Variants in DOK6 observed in about 807,000 individuals in gnomAD.
DOK6 encodes docking protein 6.
In DOK6, 22 loss-of-function variants were observed where a neutral mutation model predicts 44.0. That is an observed-to-expected ratio of 0.50 (90% CI 0.36 to 0.71). The LOEUF (loss-of-function observed/expected upper bound fraction) is 0.71, where lower values mean the gene tolerates loss of function less well. DOK6 is among the 30% of genes least tolerant of loss of function. DOK6 has a pLI of 0.00. For synonymous variants in DOK6, 166 were observed against 145.5 expected, an observed-to-expected ratio of 1.14 and a Z score of -1.01; for missense variants, 340 against 416.4, an observed-to-expected ratio of 0.82 and a Z score of 1.60.
intron 2 of DOK6, among the ~76,000 whole-genome samples, chr18:69,579,531 G>A (rs1159190099): frequency 6.6e-6 from 1 of 151,086 alleles, no homozygotes; most frequent in East Asian, 1.9e-4. Context: ...AAGCTGGTTT[G>A]TCCAACTCTC....
intron 7 of DOK6, among the ~76,000 whole-genome samples, chr18:69,769,379 A>G (rs1979820870): frequency 6.6e-6 from 1 of 152,082 alleles, no homozygotes; most frequent in Admixed American, 6.6e-5. Context: ...CTGTGGCTCT[A>G]TCATTTCCAG....
intron 7 of DOK6, among the ~76,000 whole-genome samples, chr18:69,840,874 GGCTCTCCATTAAAAACA>G (rs1419612971): frequency 6.6e-6 from 1 of 152,168 alleles, no homozygotes; most frequent in Non-Finnish European, 1.5e-5. Flanking sequence ...GCAGCTTACA[GGCTCTCCATTAAAAACA>G]GCTTTTTCTG....
At chr18:69,782,457 C>T (rs550609641) in intron 7 of DOK6, among the ~76,000 whole-genome samples, 14 of 152,010 alleles carry the variant, frequency 9.2e-5, no homozygotes, top group East Asian at 5.8e-4. Context: ...GTGATCCCCC[C>T]GCCTCGGCCT....
chr18:69,806,473 A>G (rs1382797238), intron 7 of DOK6, among the ~76,000 whole-genome samples: 1 of 152,012 alleles, frequency 6.6e-6, no homozygotes, highest in African/African-American at 2.4e-5. Flanking sequence ...TAATGAGCTT[A>G]CCCTGTATGT....
chr18:69,452,480 G>T (rs1332675954), intron 1 of DOK6, among the ~76,000 whole-genome samples: 2 of 128,440 alleles, frequency 1.6e-5, no homozygotes, highest in African/African-American at 6.2e-5. Flanking sequence ...TCTACCAGAG[G>T]TACAAGGAGG....
At position 69,548,934 on chromosome 18, in the gene DOK6, A is replaced by G. The variant is rs1051257964; in HGVS notation, c.67-15553A>G. Among the ~76,000 whole-genome samples the G allele has an allele frequency of 2.0e-5, 3 of 151,222 alleles. 1 individual carries two copies. Among genetic ancestry groups the G allele is most frequent in the Middle Eastern group, 6.4e-3 (2 of 314 alleles). The stretch of plus-strand genomic sequence containing the variant: ...TGGTGAAACCCCGTCTCTACTAAAA[A>G]TACAAAAAAAATTAGCTGGGCGAGG... On this transcript the variant is annotated intron_variant, in intron 1 of 7. Coordinates refer to ENST00000382713, the MANE Select transcript of DOK6 (RefSeq NM_152721.6).
chr18:69,677,660 C>T (rs978452392), intron 3 of DOK6, 74 bp from the exon 4 acceptor site: 2 of 1,601,484 alleles, frequency 1.2e-6, no homozygotes, highest in Non-Finnish European at 1.7e-6. Context: ...CCTGGGAAAA[C>T]AGTTAAGGAA....
intron 7 of DOK6, among the ~76,000 whole-genome samples, chr18:69,816,698 A>C (rs1401413313): frequency 6.6e-6 from 1 of 152,242 alleles, no homozygotes; most frequent in African/African-American, 2.4e-5. Context: ...AAGGCAAATT[A>C]GGGTTTAAAC....
intron 1 of DOK6, among the ~76,000 whole-genome samples, chr18:69,508,541 G>T (rs140048663): frequency 2.0e-5 from 3 of 152,264 alleles, no homozygotes; most frequent in African/African-American, 7.2e-5. Context: ...ACAGACTTCA[G>T]TGGAGATGTA....
At chr18:69,559,972 C>T (rs1358398936) in intron 1 of DOK6, among the ~76,000 whole-genome samples, 1 of 152,102 alleles carries the variant, frequency 6.6e-6, no homozygotes, top group Admixed American at 6.6e-5. Context: ...TTCCCAAAGG[C>T]CCCATCTCCA....
At chr18:69,585,887 G>T (rs1363314924) in intron 2 of DOK6, among the ~76,000 whole-genome samples, 1 of 152,154 alleles carries the variant, frequency 6.6e-6, no homozygotes, top group Non-Finnish European at 1.5e-5. Flanking sequence ...AAAAGTTGAT[G>T]TATGTCAGCA....
chr18:69,669,227 TA>T (rs1465915095), intron 3 of DOK6, among the ~76,000 whole-genome samples: 1 of 152,184 alleles, frequency 6.6e-6, no homozygotes, highest in East Asian at 1.9e-4. Flanking sequence ...ACCCGACAGG[TA>T]ATTTTTTGAT....
At chr18:69,618,854 T>C (rs1984373451) in intron 3 of DOK6, among the ~76,000 whole-genome samples, 1 of 152,192 alleles carries the variant, frequency 6.6e-6, no homozygotes. Flanking sequence ...TGAACACAAG[T>C]GGTCCAAATG....
chr18:69,518,295 TCTTC>T (rs1387329662), intron 1 of DOK6, among the ~76,000 whole-genome samples: 1 of 152,024 alleles, frequency 6.6e-6, no homozygotes, highest in East Asian at 1.9e-4. Flanking sequence ...TTCTTCCTCC[TCTTC>T]CTTCTCTTTT....
At chr18:69,425,598 T>G (rs1978615608) in intron 1 of DOK6, among the ~76,000 whole-genome samples, 1 of 152,066 alleles carries the variant, frequency 6.6e-6, no homozygotes, top group Admixed American at 6.6e-5. Context: ...TGCATCATGA[T>G]TAAAGCAATC....
intron 7 of DOK6, among the ~76,000 whole-genome samples, chr18:69,805,817 T>C (rs1790955): frequency 0.74 from 112,521 of 151,988 alleles, 42,054 homozygotes; most frequent in Admixed American, 0.78. Context: ...AAACTTCTTG[T>C]GGTACGAGTA....
intron 5 of DOK6, among the ~76,000 whole-genome samples, chr18:69,709,904 C>A (rs1221799458): frequency 2.0e-5 from 3 of 152,132 alleles, no homozygotes; most frequent in Non-Finnish European, 4.4e-5. Context: ...TGGCTAGGCA[C>A]CACTGCTCAA....
chr18:69,632,387 T>C (rs1469227394), intron 3 of DOK6, among the ~76,000 whole-genome samples: 1 of 152,178 alleles, frequency 6.6e-6, no homozygotes, highest in African/African-American at 2.4e-5. Flanking sequence ...AAACTTATTA[T>C]TTACAATTTT....
chr18:69,439,409 G>A (rs1198498300), intron 1 of DOK6, among the ~76,000 whole-genome samples: 1 of 152,150 alleles, frequency 6.6e-6, no homozygotes, highest in Non-Finnish European at 1.5e-5. Context: ...AAGCTTTGAA[G>A]CCAGGCATTG....
Sources: allele counts gnomAD v4.1 joint callset (sites outside exome capture counted in the v4.1 genomes callset), GRCh38; gene constraint gnomAD v4.1.1; transcripts MANE v1.5; gene names NCBI Gene and HGNC (gene_info 2026-07-23, HGNC 2026-07-21).